MYO3B: variants seen among roughly 807,000 people sequenced by gnomAD.
MYO3B encodes myosin-IIIb.
In MYO3B, 156 loss-of-function variants were observed where a neutral mutation model predicts 174.6. That is an observed-to-expected ratio of 0.89 (90% CI 0.78 to 1.02). The LOEUF is 1.02. Ranked by LOEUF, MYO3B falls within the 50% of genes least tolerant of loss-of-function variation. The pLI is 0.00. For missense variants in MYO3B, 1,632 were observed against 1,639.4 expected (o/e 1.00, Z 0.08); for synonymous variants, 563 against 569.1 (o/e 0.99, Z 0.15).
chr2:170,549,344 C>G (rs779494674), intron 32 of MYO3B, among the ~76,000 whole-genome samples: 9 of 152,168 alleles, frequency 5.9e-5, no homozygotes, highest in Non-Finnish European at 1.3e-4. Flanking sequence ...GAGGGGGTCA[C>G]AGTTGGCAAA....
intron 1 of MYO3B, among the ~76,000 whole-genome samples, chr2:170,183,890 T>A (rs1041228212): frequency 7.9e-5 from 12 of 151,798 alleles, no homozygotes; most frequent in Admixed American, 2.0e-4. Context: ...TTCTAAAAAT[T>A]AGATATTAAA....
rs189553459 is a variant in MYO3B, at chr2:170,335,114, G to A, written c.750-271G>A. ...TGTGTGCTTGCCTCACCCCTCATTA[G>A]GGTGTCTGCTTCTTGAAGAATGTTC... On this transcript the variant is annotated intron_variant, in intron 7 of 34. Transcript: ENST00000408978. 4.9e-4 allele frequency among the ~76,000 whole-genome samples: 75 copies of A among 152,188 alleles called. No homozygotes were observed. The East Asian group carries it at 7.1e-3, about 14-fold the overall frequency.
At chr2:170,269,608 ATAGG>A (rs1406246344) in intron 7 of MYO3B, among the ~76,000 whole-genome samples, 1 of 152,198 alleles carries the variant, frequency 6.6e-6, no homozygotes, top group African/African-American at 2.4e-5. Flanking sequence ...GAATCCATCT[ATAGG>A]CATGCCACGT....
In MYO3B at chr2:170,199,306, G is replaced by C. The variant is rs369530428; in HGVS notation, c.101G>C (p.Gly34Ala). 2.1e-5 allele frequency: 34 copies of C among 1,613,542 alleles called. No individual in the cohort carries two copies. In the East Asian group the frequency reaches 6.9e-4, roughly 33 times the overall value. ...TDTWEIIETI[G>A]KGTYGKVYKV... The stretch of plus-strand genomic sequence containing the variant: ...ACCTGGGAAATTATAGAGACCATTG[G>C]TAAAGGCACCTATGGCAAAGTCTAC... The change falls in exon 2 of 35, where the codon GGT (glycine) becomes GCT (alanine). Residue 34 changes from glycine to alanine, a missense_variant. Transcript: ENST00000408978.
chr2:170,449,937 A>G (rs1410505974), intron 23 of MYO3B, among the ~76,000 whole-genome samples: 1 of 152,206 alleles, frequency 6.6e-6, no homozygotes, highest in East Asian at 1.9e-4. Context: ...CCTGCATTCA[A>G]GAGAACCCAT....
chr2:170,366,676 C>G (rs1463902542), intron 8 of MYO3B, among the ~76,000 whole-genome samples: 6 of 152,136 alleles, frequency 3.9e-5, no homozygotes, highest in South Asian at 2.1e-4. Flanking sequence ...AACAGATTTA[C>G]TCGTTAGTTT....
In MYO3B at chr2:170,652,165, G is replaced by A; in HGVS notation, c.3887+11G>A. 6.2e-7 allele frequency: 1 copy of A among 1,613,398 alleles called. No individual in the cohort carries two copies. Among genetic ancestry groups the A allele is most frequent in the Non-Finnish European group, 8.5e-7 (1 of 1,179,520 alleles). On this transcript the variant is annotated intron_variant, in intron 34 of 34. Coordinates refer to ENST00000408978, the MANE Select transcript of MYO3B (RefSeq NM_138995.5). The stretch of plus-strand genomic sequence containing the variant: ...GCCAAGAAAACTTGGGTAAATATCT[G>A]TCTTCTTAGTTCTAAGCAACTGTAA...
chr2:170,360,111 T>G (rs1331599730), intron 8 of MYO3B, among the ~76,000 whole-genome samples: 1 of 152,164 alleles, frequency 6.6e-6, no homozygotes, highest in Non-Finnish European at 1.5e-5. Context: ...GTCCTGAGCA[T>G]GTAATGATCA....
chr2:170,651,742 C>G lies in MYO3B; in HGVS notation c.3840+8C>G. On this transcript the variant is annotated splice_region_variant and intron_variant, in intron 33 of 34. Coordinates refer to ENST00000408978, the MANE Select transcript of MYO3B (RefSeq NM_138995.5). The stretch of plus-strand genomic sequence containing the variant: ...TACTATAACCAGTTAAATGTGAGTT[C>G]AAAGTGGCCGTAAAGCTGTTTCACT... 6.2e-7 allele frequency: 1 copy of G among 1,608,294 alleles called. No homozygotes were observed. Among genetic ancestry groups the G allele is most frequent in the Non-Finnish European group, 8.5e-7 (1 of 1,174,822 alleles).
intron 32 of MYO3B, among the ~76,000 whole-genome samples, chr2:170,627,066 T>G (rs1051311278): frequency 9.2e-5 from 14 of 152,182 alleles, no homozygotes; most frequent in Non-Finnish European, 1.6e-4. Flanking sequence ...CTTTGTGGTG[T>G]TCTCTGTATT....
intron 32 of MYO3B, among the ~76,000 whole-genome samples, chr2:170,606,519 C>A (rs1017095542): frequency 6.6e-6 from 1 of 152,166 alleles, no homozygotes; most frequent in African/African-American, 2.4e-5. Flanking sequence ...CATTTCCTAG[C>A]CTGCAATTAT....
At chr2:170,321,100 T>TA (rs1242590728) in intron 7 of MYO3B, among the ~76,000 whole-genome samples, 2 of 151,920 alleles carry the variant, frequency 1.3e-5, no homozygotes, top group Non-Finnish European at 2.9e-5. Flanking sequence ...CCCCATCTGC[T>TA]AAAAAAATCG....
intron 23 of MYO3B, among the ~76,000 whole-genome samples, chr2:170,453,454 G>A (rs62170687): frequency 0.22 from 17,692 of 80,290 alleles, 1,046 homozygotes; most frequent in Admixed American, 0.31. Context: ...ACACACACAC[G>A]AGAGAGAGAG....
intron 3 of MYO3B, among the ~76,000 whole-genome samples, chr2:170,207,145 A>G (rs960471544): frequency 6.6e-6 from 1 of 152,026 alleles, no homozygotes; most frequent in Non-Finnish European, 1.5e-5. Flanking sequence ...AGAAACTGAA[A>G]TTTCTATTAT....
intron 22 of MYO3B, among the ~76,000 whole-genome samples, chr2:170,414,418 AC>A (rs2094565422): frequency 6.6e-6 from 1 of 152,108 alleles, no homozygotes; most frequent in South Asian, 2.1e-4. Flanking sequence ...CGAACTCCTG[AC>A]CTCATGATCC....
intron 25 of MYO3B, among the ~76,000 whole-genome samples, chr2:170,492,267 C>T (rs1686539572): frequency 6.6e-6 from 1 of 152,160 alleles, no homozygotes; most frequent in Admixed American, 6.5e-5. Context: ...TGGTTCTTTC[C>T]AGTCTTGGAT....
At chr2:170,555,413 C>T (rs141802386) in intron 32 of MYO3B, among the ~76,000 whole-genome samples, 76 of 152,306 alleles carry the variant, frequency 5.0e-4, no homozygotes, top group African/African-American at 1.8e-3. Flanking sequence ...ATCTCTACCT[C>T]CTTATTCCTC....
intron 30 of MYO3B, among the ~76,000 whole-genome samples, chr2:170,529,951 G>A (rs1223924316): frequency 6.6e-6 from 1 of 152,182 alleles, no homozygotes; most frequent in Non-Finnish European, 1.5e-5. Context: ...AGTATATTTT[G>A]TGAATTAAAT....
At chr2:170,241,534 CAG>C (rs2093133767) in intron 7 of MYO3B, among the ~76,000 whole-genome samples, 1 of 152,206 alleles carries the variant, frequency 6.6e-6, no homozygotes, top group African/African-American at 2.4e-5. Flanking sequence ...GCAGAGATGA[CAG>C]AGTTTTTGCT....
Sources: gnomAD v4.1 joint callset for allele counts (sites outside exome capture counted in the v4.1 genomes callset) on GRCh38, gnomAD v4.1.1 for gene constraint, MANE v1.5 for transcripts, NCBI Gene and HGNC (gene_info 2026-07-23, HGNC 2026-07-21) for gene names.